Variants in GPR39 observed in about 807,000 individuals in gnomAD.
GPR39 encodes the protein G protein-coupled receptor 39.
In GPR39, 23 loss-of-function variants were observed where a neutral mutation model predicts 18.4. The observed-to-expected ratio is 1.25, with a 90% CI of 0.90 to 1.77. The LOEUF (loss-of-function observed/expected upper bound fraction) is 1.77, where lower values mean the gene tolerates loss of function less well. Ranked by LOEUF, GPR39 falls within the 40% of genes most tolerant of loss-of-function variation. GPR39 has a pLI of 0.00. For missense variants in GPR39, 647 were observed against 602.4 expected (o/e 1.07, Z -0.78); for synonymous variants, 280 against 257.9 (o/e 1.09, Z -0.82).
chr2:132,425,292 C>T (rs977150846), intron 1 of GPR39, among the ~76,000 whole-genome samples: 2 of 152,160 alleles, frequency 1.3e-5, no homozygotes, highest in Non-Finnish European at 2.9e-5. Flanking sequence ...TGATGTCTCT[C>T]GACTATATTG....
intron 1 of GPR39, among the ~76,000 whole-genome samples, chr2:132,524,507 T>C (rs2104769610): frequency 6.6e-6 from 1 of 152,302 alleles, no homozygotes; most frequent in South Asian, 2.1e-4. Context: ...CACTTTGCCA[T>C]TGATCAGCTT....
intron 1 of GPR39, among the ~76,000 whole-genome samples, chr2:132,540,002 A>C (rs1212163852): frequency 6.6e-6 from 1 of 152,070 alleles, no homozygotes; most frequent in Non-Finnish European, 1.5e-5. Flanking sequence ...TTCCATCTGC[A>C]CCCCACAGAG....
At chr2:132,622,937 C>A (rs1681468016) in intron 1 of GPR39, among the ~76,000 whole-genome samples, 1 of 152,124 alleles carries the variant, frequency 6.6e-6, no homozygotes, top group Non-Finnish European at 1.5e-5. Flanking sequence ...CCTGGTGAAA[C>A]CCTGTCTGTA....
intron 1 of GPR39, among the ~76,000 whole-genome samples, chr2:132,557,051 C>T (rs1045833350): frequency 1.3e-5 from 2 of 149,306 alleles, no homozygotes; most frequent in Non-Finnish European, 3.0e-5. Flanking sequence ...TATGGTGGCT[C>T]ATGCCTGTAA....
intron 1 of GPR39, among the ~76,000 whole-genome samples, chr2:132,515,152 T>C (rs1254362808): frequency 6.6e-6 from 1 of 152,232 alleles, no homozygotes; most frequent in African/African-American, 2.4e-5. Context: ...CCATGTGACT[T>C]CAGCAAGTCA....
chr2:132,645,394 A>G lies in GPR39; in HGVS notation c.1150A>G (p.Ser384Gly), dbSNP rs1682005682. 6.2e-7 allele frequency: 1 copy of G among 1,613,594 alleles called. No individual in the cohort carries two copies. Among genetic ancestry groups the G allele is most frequent in the African/African-American group, 1.3e-5 (1 of 74,914 alleles). ...CGTACATGCGCACTCCACCACCGAC[A>G]GCGCCCGCTTTGTGCAGCGCCCGTT... The part of the protein sequence containing the change: ...LRVHAHSTTD[S>G]ARFVQRPLLF... The change falls in exon 2 of 2, where the codon AGC becomes GGC. Residue 384 changes from serine (S) to glycine (G), a missense_variant. Coordinates refer to ENST00000329321, the MANE Select transcript of GPR39 (RefSeq NM_001508.3).
In GPR39 at chr2:132,645,510, G is replaced by T. The variant is rs775907365; in HGVS notation, c.1266G>T (p.Lys422Asn). 1.2e-6 allele frequency: 2 copies of T among 1,614,136 alleles called. No homozygotes were observed. Among genetic ancestry groups the T allele is most frequent in the South Asian group, 2.2e-5 (2 of 91,084 alleles). Residue 422 changes from lysine to asparagine, a missense_variant, in exon 2 of 2, where the codon AAG (lysine) becomes AAT (asparagine). This residue lies in a region of GPR39 where 581 missense variants were observed against 506.8 expected (regional missense o/e 1.15). Coordinates refer to ENST00000329321, the MANE Select transcript of GPR39 (RefSeq NM_001508.3). The stretch of plus-strand genomic sequence containing the variant: ...AGAGCGAGGCCGAGCCCCAGTCTAA[G>T]TCCCAGTCATTGAGTCTCGAGTCAC... ...TFQSEAEPQSKSQSLSLESLE... is the reference protein window; with the variant it reads ...TFQSEAEPQSNSQSLSLESLE...
At chr2:132,425,819 G>A (rs982706606) in intron 1 of GPR39, among the ~76,000 whole-genome samples, 66 of 152,048 alleles carry the variant, frequency 4.3e-4, no homozygotes, top group African/African-American at 1.6e-3. Context: ...AATATAGGTA[G>A]GTTCTAGGAG....
chr2:132,588,853 A>G (rs1680777925), intron 1 of GPR39, among the ~76,000 whole-genome samples: 1 of 152,144 alleles, frequency 6.6e-6, no homozygotes, highest in Admixed American at 6.5e-5. Flanking sequence ...TCAAACACAC[A>G]TTGTAGAAGA....
At chr2:132,493,009 CA>C (rs1681529275) in intron 1 of GPR39, among the ~76,000 whole-genome samples, 1 of 137,370 alleles carries the variant, frequency 7.3e-6, no homozygotes, top group African/African-American at 2.8e-5. Context: ...ACCATATATA[CA>C]CTATATATAC....
At chr2:132,539,691 C>T (rs1360467787) in intron 1 of GPR39, among the ~76,000 whole-genome samples, 1 of 152,106 alleles carries the variant, frequency 6.6e-6, no homozygotes, top group African/African-American at 2.4e-5. Context: ...CCTCTCTGAT[C>T]CATGGGAACT....
intron 1 of GPR39, among the ~76,000 whole-genome samples, chr2:132,599,542 A>G (rs1681004314): frequency 6.6e-6 from 1 of 152,200 alleles, no homozygotes; most frequent in African/African-American, 2.4e-5. Flanking sequence ...CTTAGTGTCT[A>G]CATCTGGGGA....
intron 1 of GPR39, among the ~76,000 whole-genome samples, chr2:132,589,992 A>G (rs1450715202): frequency 2.0e-5 from 3 of 152,220 alleles, no homozygotes; most frequent in African/African-American, 7.2e-5. Context: ...TTCTGCTTAA[A>G]GTTCATTTGA....
At chr2:132,540,898 G>A (rs745670821) in intron 1 of GPR39, among the ~76,000 whole-genome samples, 2 of 151,864 alleles carry the variant, frequency 1.3e-5, no homozygotes, top group Non-Finnish European at 2.9e-5. Context: ...GTAAAACCTG[G>A]GAATCAATCT....
At chr2:132,506,195 G>A (rs1466688089) in intron 1 of GPR39, among the ~76,000 whole-genome samples, 2 of 151,356 alleles carry the variant, frequency 1.3e-5, no homozygotes, top group Non-Finnish European at 2.9e-5. Context: ...CCATTTCTAT[G>A]TTTTCTTTGG....
intron 1 of GPR39, among the ~76,000 whole-genome samples, chr2:132,470,761 G>C (rs538018540): frequency 1.4e-4 from 21 of 148,976 alleles, no homozygotes; most frequent in Admixed American, 3.4e-4. Context: ...GCACGGAAAG[G>C]CTTCCTGGGT....
intron 1 of GPR39, among the ~76,000 whole-genome samples, chr2:132,514,305 C>T (rs1679291613): frequency 6.6e-6 from 1 of 152,124 alleles, no homozygotes; most frequent in African/African-American, 2.4e-5. Context: ...TGTCAGAGCT[C>T]CTGGGTCTGT....
intron 1 of GPR39, among the ~76,000 whole-genome samples, chr2:132,615,164 G>C (rs1479265679): frequency 6.6e-6 from 1 of 152,134 alleles, no homozygotes; most frequent in Non-Finnish European, 1.5e-5. Context: ...CCAAGGTCTA[G>C]TCAGAGCTTG....
At chr2:132,496,355 A>G (rs10803532) in intron 1 of GPR39, among the ~76,000 whole-genome samples, 119,835 of 152,102 alleles carry the variant, frequency 0.79, 48,810 homozygotes, top group East Asian at 0.9. Flanking sequence ...TTATTTACCT[A>G]GGCATTTGAA....
Sources: gnomAD v4.1 joint callset for allele counts (sites outside exome capture counted in the v4.1 genomes callset) on GRCh38, gnomAD v4.1.1 for gene constraint, gnomAD v4.1.1 regional missense constraint, MANE v1.5 for transcripts, NCBI Gene and HGNC (gene_info 2026-07-23, HGNC 2026-07-21) for gene names.